Variants in MYO16 observed in about 807,000 individuals in gnomAD.
The protein encoded by MYO16 is unconventional myosin-XVI.
MYO16 carries 94 observed loss-of-function variants against 205.3 expected under a neutral mutation model. The observed-to-expected ratio is 0.46, with a 90% CI of 0.39 to 0.54. The LOEUF is 0.54. MYO16 is among the 20% of genes least tolerant of loss of function. The pLI, the probability that MYO16 is intolerant of heterozygous loss-of-function variation, is 0.00. For synonymous variants in MYO16, 988 were observed against 954.0 expected (o/e 1.04, Z -0.66); for missense variants, 2,315 against 2,387.5 (o/e 0.97, Z 0.63).
intron 31 of MYO16, among the ~76,000 whole-genome samples, chr13:109,139,696 T>A (rs1039927822): frequency 6.8e-6 from 1 of 147,546 alleles, no homozygotes; most frequent in Non-Finnish European, 1.5e-5. Flanking sequence ...TCGTAATAGA[T>A]AGAGCAAGGG....
intron 1 of MYO16, among the ~76,000 whole-genome samples, chr13:108,655,776 C>T (rs1309597424): frequency 6.6e-6 from 1 of 152,130 alleles, no homozygotes; most frequent in Non-Finnish European, 1.5e-5. Context: ...GACCTGGAGT[C>T]AAAGGAGATC....
At chr13:108,617,489 C>G (rs1393477838) in intron 1 of MYO16, among the ~76,000 whole-genome samples, 1 of 152,120 alleles carries the variant, frequency 6.6e-6, no homozygotes, top group African/African-American at 2.4e-5. Flanking sequence ...TTTTACTCCT[C>G]CTCACTATAG....
the MYO16 span, among the ~76,000 whole-genome samples, chr13:108,505,046 T>C: frequency 1.3e-5 from 2 of 152,212 alleles, no homozygotes; most frequent in Non-Finnish European, 1.5e-5. Flanking sequence ...ATTTTCTTCA[T>C]CCACTTGTTT....
chr13:109,000,967 G>T (rs9559455), intron 21 of MYO16, among the ~76,000 whole-genome samples: 52,410 of 151,542 alleles, frequency 0.35, 9,463 homozygotes, highest in East Asian at 0.66. Flanking sequence ...CAAAATACTA[G>T]ATTTTTTTGT....
chr13:108,953,006 A>G (rs1024755768), intron 16 of MYO16, among the ~76,000 whole-genome samples: 1 of 152,150 alleles, frequency 6.6e-6, no homozygotes, highest in African/African-American at 2.4e-5. Flanking sequence ...TAGTGGGATA[A>G]CATCTGTGGA....
the MYO16 span, among the ~76,000 whole-genome samples, chr13:108,587,705 A>C: frequency 6.6e-6 from 1 of 152,304 alleles, no homozygotes; most frequent in Non-Finnish European, 1.5e-5. Context: ...CATTATACAT[A>C]TATAACCAAC....
chr13:108,557,775 A>G, the MYO16 span, among the ~76,000 whole-genome samples: 1 of 152,204 alleles, frequency 6.6e-6, no homozygotes. Flanking sequence ...AAGAATTGAA[A>G]TACTCATTTT....
chr13:108,859,141 T>C (rs879822329), intron 11 of MYO16, among the ~76,000 whole-genome samples: 2 of 152,196 alleles, frequency 1.3e-5, no homozygotes, highest in Non-Finnish European at 2.9e-5. Context: ...TTATTTAGAT[T>C]CTTATAAATA....
chr13:109,194,140 G>A (rs1042152008), intron 34 of MYO16, among the ~76,000 whole-genome samples: 1 of 152,062 alleles, frequency 6.6e-6, no homozygotes, highest in African/African-American at 2.4e-5. Flanking sequence ...ATGCACTTAT[G>A]TCTTGTTACC....
intron 2 of MYO16, among the ~76,000 whole-genome samples, chr13:108,679,474 G>A (rs1280839397): frequency 6.6e-6 from 1 of 152,058 alleles, no homozygotes; most frequent in Non-Finnish European, 1.5e-5. Context: ...CAAAGTAGGT[G>A]ATCAATAATA....
intron 27 of MYO16, among the ~76,000 whole-genome samples, chr13:109,070,024 G>A (rs895152850): frequency 5.9e-5 from 9 of 152,192 alleles, no homozygotes; most frequent in Non-Finnish European, 1.3e-4. Context: ...AGTCTTCAGA[G>A]CAGTGTATTG....
intron 27 of MYO16, among the ~76,000 whole-genome samples, chr13:109,090,757 C>T (rs1888595687): frequency 6.6e-6 from 1 of 152,134 alleles, no homozygotes; most frequent in Non-Finnish European, 1.5e-5. Flanking sequence ...ACGTTTTTGA[C>T]AACTTTGTCT....
intron 4 of MYO16, among the ~76,000 whole-genome samples, chr13:108,755,465 A>G (rs545651665): frequency 6.6e-6 from 1 of 152,276 alleles, no homozygotes; most frequent in East Asian, 1.9e-4. Flanking sequence ...TTTTTGAGTA[A>G]GAAAACACAT....
intron 4 of MYO16, among the ~76,000 whole-genome samples, chr13:108,733,279 A>C (rs1035878900): frequency 2.0e-5 from 3 of 152,230 alleles, no homozygotes; most frequent in Non-Finnish European, 2.9e-5. Context: ...ATTAACTTTT[A>C]TGCAGCCCTC....
At chr13:108,983,517 G>T (rs1884521225) in intron 20 of MYO16, among the ~76,000 whole-genome samples, 1 of 152,204 alleles carries the variant, frequency 6.6e-6, no homozygotes, top group Non-Finnish European at 1.5e-5. Context: ...GCCAGGTTTG[G>T]TTGGCCATAG....
intron 23 of MYO16, among the ~76,000 whole-genome samples, chr13:109,022,343 T>G (rs1886074412): frequency 2.4e-5 from 1 of 42,046 alleles, no homozygotes; most frequent in Non-Finnish European, 4.5e-5. Context: ...TTATATATTA[T>G]ATACAAATAT....
At chr13:108,733,922 T>G (rs1237308810) in intron 4 of MYO16, among the ~76,000 whole-genome samples, 1 of 152,100 alleles carries the variant, frequency 6.6e-6, no homozygotes. Flanking sequence ...TGAGCCGAGA[T>G]CGCGCCATTG....
chr13:108,543,730 T>C, the MYO16 span, among the ~76,000 whole-genome samples: 94 of 112,766 alleles, frequency 8.3e-4, 1 homozygote, highest in Middle Eastern at 0.03. Flanking sequence ...TACTTTCCCT[T>C]CCTTTTTTTC....
At chr13:108,967,716 T>C (rs1883850538) in intron 20 of MYO16, among the ~76,000 whole-genome samples, 1 of 152,228 alleles carries the variant, frequency 6.6e-6, no homozygotes, top group South Asian at 2.1e-4. Flanking sequence ...AATAATATAA[T>C]GCCGTATATT....
Sources: gnomAD v4.1 joint callset for allele counts (sites outside exome capture counted in the v4.1 genomes callset) on GRCh38, gnomAD v4.1.1 for gene constraint, MANE v1.5 for transcripts, NCBI Gene and HGNC (gene_info 2026-07-23, HGNC 2026-07-21) for gene names.